The following SCP2 variants were observed in gnomAD, a reference collection of about 807,000 sequenced individuals.
The protein encoded by SCP2 is sterol carrier protein 2, also known as SCP-2/3-oxoacyl-CoA thiolase.
A neutral mutation model predicts 71.4 loss-of-function variants in SCP2; 48 were observed. The ratio of observed to expected loss-of-function variants is 0.67; its 90% CI spans 0.53 to 0.86. The LOEUF (loss-of-function observed/expected upper bound fraction) is 0.86, where lower values mean the gene tolerates loss of function less well. SCP2 is among the 40% of genes least tolerant of loss of function. The pLI is 0.00. For synonymous variants in SCP2, 220 were observed against 218.1 expected (o/e 1.01, Z -0.08); for missense variants, 560 against 655.6 (o/e 0.85, Z 1.59).
At chr1:52,952,994 T>C (rs1039025403) in intron 4 of SCP2, among the ~76,000 whole-genome samples, 3 of 152,090 alleles carry the variant, frequency 2.0e-5, no homozygotes, top group Middle Eastern at 6.8e-3. Context: ...TTATATTGTT[T>C]GATAATGCTA....
intron 1 of SCP2, among the ~76,000 whole-genome samples, chr1:52,933,276 T>C (rs1401867824): frequency 6.6e-6 from 1 of 152,096 alleles, no homozygotes; most frequent in Non-Finnish European, 1.5e-5. Flanking sequence ...TTAAAAGAGA[T>C]AGTAATTGCA....
chr1:52,963,126 A>G (rs1383249958), intron 6 of SCP2, among the ~76,000 whole-genome samples: 2 of 151,794 alleles, frequency 1.3e-5, no homozygotes, highest in African/African-American at 4.8e-5. Flanking sequence ...AAGACCCTCC[A>G]TGACTATTCA....
At chr1:52,973,077 A>G (rs1027852403) in intron 6 of SCP2, among the ~76,000 whole-genome samples, 2 of 152,234 alleles carry the variant, frequency 1.3e-5, no homozygotes, top group Non-Finnish European at 2.9e-5. Flanking sequence ...GAGAGCCTCT[A>G]GTTTTCTTAC....
chr1:52,966,099 T>C (rs1026723816), intron 6 of SCP2, among the ~76,000 whole-genome samples: 2 of 152,216 alleles, frequency 1.3e-5, no homozygotes, highest in Admixed American at 6.5e-5. Context: ...ACTACTTCTT[T>C]TCTCATTGTA....
At chr1:53,040,034 C>G (rs535708679) in intron 14 of SCP2, among the ~76,000 whole-genome samples, 67 of 152,288 alleles carry the variant, frequency 4.4e-4, no homozygotes, top group African/African-American at 1.3e-3. Context: ...CATCTTTGGC[C>G]ACTTTTTTTC....
chr1:53,036,019 C>CAA (rs35164089), intron 13 of SCP2, among the ~76,000 whole-genome samples: 4,575 of 62,442 alleles, frequency 0.073, 289 homozygotes, highest in African/African-American at 0.19. Context: ...GACTCCGTCT[C>CAA]AAAAAAAAAA....
intron 13 of SCP2, among the ~76,000 whole-genome samples, chr1:53,036,738 G>A (rs1018073704): frequency 6.6e-6 from 1 of 151,506 alleles, no homozygotes; most frequent in Non-Finnish European, 1.5e-5. Context: ...ATCATATTTT[G>A]TAATCTACTT....
chr1:53,037,848 C>T (rs1302101619), intron 13 of SCP2, among the ~76,000 whole-genome samples: 2 of 147,754 alleles, frequency 1.4e-5, no homozygotes, highest in Non-Finnish European at 3.0e-5. Context: ...TGAGACCAGC[C>T]TGGGCAACAT....
intron 11 of SCP2, among the ~76,000 whole-genome samples, chr1:52,993,043 G>C (rs1659638095): frequency 6.6e-6 from 1 of 152,162 alleles, no homozygotes; most frequent in African/African-American, 2.4e-5. Flanking sequence ...CATTGTATTA[G>C]CTTCACAGAA....
chr1:53,049,147 C>T (rs1418907414), intron 15 of SCP2: 2 of 152,212 alleles, frequency 1.3e-5, no homozygotes, highest in Non-Finnish European at 2.9e-5. Context: ...GAACAGAGGC[C>T]ACCAGTATAG....
At chr1:52,997,588 C>T (rs1279476656) in intron 11 of SCP2, among the ~76,000 whole-genome samples, 1 of 152,014 alleles carries the variant, frequency 6.6e-6, no homozygotes, top group African/African-American at 2.4e-5. Flanking sequence ...ATAGGCAAAT[C>T]CATAGAGACA....
At chr1:53,019,120 G>A (rs547426749) in intron 12 of SCP2, among the ~76,000 whole-genome samples, 4 of 152,276 alleles carry the variant, frequency 2.6e-5, no homozygotes, top group Non-Finnish European at 5.9e-5. Context: ...ATATCTGGAG[G>A]TGCATGAGGT....
chr1:52,951,697 C>T (rs1031728792), intron 4 of SCP2, among the ~76,000 whole-genome samples: 2 of 150,920 alleles, frequency 1.3e-5, no homozygotes, highest in African/African-American at 4.9e-5. Flanking sequence ...AATTGTATAC[C>T]TATCACCACT....
chr1:53,035,969 G>A (rs985249034), intron 13 of SCP2, among the ~76,000 whole-genome samples: 11 of 144,516 alleles, frequency 7.6e-5, no homozygotes, highest in African/African-American at 2.6e-4. Flanking sequence ...GCAGTGAGCC[G>A]AGATCAGGCC....
At chr1:53,006,698 A>G (rs557679620) in intron 11 of SCP2, among the ~76,000 whole-genome samples, 108 of 152,360 alleles carry the variant, frequency 7.1e-4, no homozygotes, top group African/African-American at 2.5e-3. Context: ...AAGATCATTG[A>G]TGCTAGGAAG....
chr1:52,961,066 CTTTTTTTTTTT>C (rs774047289), intron 5 of SCP2, among the ~76,000 whole-genome samples: 7 of 92,196 alleles, frequency 7.6e-5, no homozygotes, highest in South Asian at 3.9e-4. Flanking sequence ...TCCTTTGGTT[CTTTTTTTTTTT>C]TTTTTTTTTT....
intron 5 of SCP2, among the ~76,000 whole-genome samples, chr1:52,956,016 A>G (rs1311136469): frequency 6.6e-6 from 1 of 152,120 alleles, no homozygotes; most frequent in Admixed American, 6.6e-5. Flanking sequence ...GAAAAATGAA[A>G]TAAATAAAAT....
chr1:52,994,194 C>A (rs1458583511), intron 11 of SCP2: 1 of 1,028,742 alleles, frequency 9.7e-7, no homozygotes, highest in African/African-American at 1.7e-5. Context: ...ATGGAGATGT[C>A]TGGATGATAA....
intron 10 of SCP2, 46 bp from the exon 11 acceptor site, chr1:52,987,983 C>G (rs1421964027): frequency 1.0e-6 from 1 of 960,064 alleles, no homozygotes; most frequent in Non-Finnish European, 1.7e-6. Flanking sequence ...ATCATTTGTT[C>G]TATTGTTACT....
Sources: allele counts gnomAD v4.1 joint callset (sites outside exome capture counted in the v4.1 genomes callset), GRCh38; gene constraint gnomAD v4.1.1; transcripts MANE v1.5; gene names NCBI Gene and HGNC (gene_info 2026-07-23, HGNC 2026-07-21).